The following UTP4 variants were observed in gnomAD, a reference collection of about 807,000 sequenced individuals.
The protein encoded by UTP4 is UTP4 small subunit processome component, also known as U3 small nucleolar RNA-associated protein 4 homolog.
UTP4 carries 45 observed loss-of-function variants against 82.4 expected under a neutral mutation model. The ratio of observed to expected loss-of-function variants is 0.55; its 90% CI spans 0.43 to 0.70. The LOEUF is 0.70. Ranked by LOEUF, UTP4 falls within the 30% of genes least tolerant of loss-of-function variation. The pLI is 0.00. For synonymous variants in UTP4, 348 were observed against 300.3 expected (o/e 1.16, Z -1.64); for missense variants, 819 against 858.3 (o/e 0.95, Z 0.57).
In UTP4 at chr16:69,136,723, A is replaced by G. The variant is rs1962823319; in HGVS notation, c.187A>G (p.Thr63Ala). 6.2e-7 allele frequency: 1 copy of G among 1,613,902 alleles called. No individual in the cohort carries two copies. The change falls in exon 3 of 17, where the codon ACA becomes GCA. Residue 63 changes from threonine (T) to alanine (A), a missense_variant. Transcript: ENST00000314423. ...TTTCCCAGGTCATGAGTCTCGGGCT[A>G]CAGAAGCTTTGTGCTGGGCAGAAGG... Reference protein sequence around the residue: ...KFFPGHESRATEALCWAEGQR... With the variant: ...KFFPGHESRAAEALCWAEGQR...
At position 69,151,411 on chromosome 16, in the gene UTP4, TC is replaced by T. The variant is rs201619754; in HGVS notation, c.1002+510del. Among the ~76,000 whole-genome samples, 665 of 149,868 alleles carry T rather than the reference TC, an allele frequency of 4.4e-3. 23 individuals are homozygous for T. In the South Asian group the frequency reaches 0.085, roughly 19 times the overall value. On this transcript the variant is annotated intron_variant, in intron 8 of 16. Transcript: ENST00000314423. The stretch of plus-strand genomic sequence containing the variant: ...GACTCCACTCACTGCAAGCTCCGCC[TC>T]CCAGGTTCATGCCATTCTCCTGCCT...
At chr16:69,149,577 A>C (rs1035089114) in intron 6 of UTP4, among the ~76,000 whole-genome samples, 2 of 151,964 alleles carry the variant, frequency 1.3e-5, no homozygotes, top group Non-Finnish European at 2.9e-5. Context: ...CAAACAAAAA[A>C]AGATGAGGTC....
intron 2 of UTP4, among the ~76,000 whole-genome samples, chr16:69,134,175 G>C (rs1793712906): frequency 6.6e-6 from 1 of 152,088 alleles, no homozygotes; most frequent in Admixed American, 6.5e-5. Context: ...TCCCCTCCAA[G>C]GGCACTGACT....
At chr16:69,139,409 C>G (rs1251334983) in intron 4 of UTP4, among the ~76,000 whole-genome samples, 1 of 151,606 alleles carries the variant, frequency 6.6e-6, no homozygotes, top group East Asian at 2.0e-4. Flanking sequence ...GAGGCTGAGG[C>G]GGGTGGATCA....
At position 69,163,884 on chromosome 16, in the gene UTP4, GTT is replaced by G. The variant is rs1216606701; in HGVS notation, c.1647+724_1647+725del. On this transcript the variant is annotated intron_variant, in intron 14 of 16. Transcript: ENST00000314423. Reference sequence around the variant, plus strand: ...TGCTTACTGCTTTGATGGTCAGTTTGTTTTTTTTTTTTTTTTTTTGAGACAGA... The same window carrying G: ...TGCTTACTGCTTTGATGGTCAGTTTGTTTTTTTTTTTTTTTTTGAGACAGA... Among the ~76,000 whole-genome samples the G allele has an allele frequency of 1.6e-4, 20 of 126,248 alleles. No homozygotes were observed. The East Asian group carries it at 3.1e-3, about 20-fold the overall frequency. The allele number at this position is 126,248 out of a possible 152,430, so 82.8% of individuals were successfully genotyped here.
chr16:69,135,017 C>CTT (rs1027253401), intron 2 of UTP4, among the ~76,000 whole-genome samples: 1 of 133,308 alleles, frequency 7.5e-6, no homozygotes, highest in Non-Finnish European at 1.6e-5. Context: ...TGTTCTTCTT[C>CTT]TTTTTTTTTT....
chr16:69,166,973 A>G (rs1963717419), intron 15 of UTP4, 102 bp from the exon 16 acceptor site: 1 of 799,710 alleles, frequency 1.3e-6, no homozygotes, highest in Non-Finnish European at 2.2e-6. Context: ...AATATATATG[A>G]TGGTTAGAAG....
chr16:69,162,005 T>G (rs985307113), intron 13 of UTP4, among the ~76,000 whole-genome samples: 5 of 150,274 alleles, frequency 3.3e-5, no homozygotes, highest in Non-Finnish European at 5.9e-5. Context: ...TCTTGCACTG[T>G]TGCCCAGGCT....
intron 6 of UTP4, 150 bp from the exon 7 acceptor site, chr16:69,150,386 TA>T (rs1292616636): frequency 2.2e-5 from 20 of 893,130 alleles, no homozygotes; most frequent in Non-Finnish European, 7.4e-6. Flanking sequence ...ATGGAATCCT[TA>T]GCTTCTGGAA....
chr16:69,168,745 G>C, intron 16 of UTP4, 76 bp from the exon 17 acceptor site: 1 of 896,160 alleles, frequency 1.1e-6, no homozygotes, highest in South Asian at 1.3e-5. Context: ...CTTAGATGGT[G>C]TCTACCTACA....
At chr16:69,145,297 G>A (rs1963078395) in intron 6 of UTP4, among the ~76,000 whole-genome samples, 1 of 152,006 alleles carries the variant, frequency 6.6e-6, no homozygotes, top group Non-Finnish European at 1.5e-5. Context: ...CTCTCACTCT[G>A]TCTCCCAGGC....
intron 14 of UTP4, among the ~76,000 whole-genome samples, chr16:69,164,605 T>C (rs907146115): frequency 4.7e-4 from 66 of 139,362 alleles, no homozygotes; most frequent in African/African-American, 1.5e-3. Flanking sequence ...TATATATATA[T>C]ATATATATAT....
At chr16:69,158,857 C>T (rs1963491888) in intron 12 of UTP4, among the ~76,000 whole-genome samples, 1 of 152,128 alleles carries the variant, frequency 6.6e-6, no homozygotes, top group Non-Finnish European at 1.5e-5. Flanking sequence ...TTACATGCAG[C>T]ACGCATTTTG....
chr16:69,151,673 T>C (rs1427906057), intron 8 of UTP4, among the ~76,000 whole-genome samples: 1 of 151,908 alleles, frequency 6.6e-6, no homozygotes, highest in African/African-American at 2.4e-5. Flanking sequence ...TGTAGGACTT[T>C]CTGTAGCTAC....
At chr16:69,146,520 C>G (rs1163071450) in intron 6 of UTP4, among the ~76,000 whole-genome samples, 1 of 151,818 alleles carries the variant, frequency 6.6e-6, no homozygotes, top group African/African-American at 2.4e-5. Flanking sequence ...ATCCATTCAT[C>G]TATTAGTGGA....
rs371000792 is a variant in UTP4, at chr16:69,154,468, T to C, written c.1164+11T>C. 1.5e-5 allele frequency: 24 copies of C among 1,598,000 alleles called. No homozygotes were observed. Among genetic ancestry groups the C allele is most frequent in the Non-Finnish European group, 2.1e-5 (24 of 1,165,624 alleles). ...CACCTAAAGACAAAGGTAAGGAAGT[T>C]TGTTTAGGCTCTGAATTCTAGAGCC... is the stretch of plus-strand genomic sequence containing the variant. On this transcript the variant is annotated intron_variant, in intron 10 of 16. Coordinates refer to ENST00000314423, the MANE Select transcript of UTP4 (RefSeq NM_032830.3).
intron 16 of UTP4, chr16:69,167,607 G>A: frequency 5.7e-6 from 1 of 176,546 alleles, no homozygotes; most frequent in Admixed American, 5.8e-5. Context: ...AAACCAGCCT[G>A]GGCACCATGG....
chr16:69,156,038 A>G (rs777877090), intron 11 of UTP4, 45 bp downstream of exon 11: 19 of 1,598,638 alleles, frequency 1.2e-5, no homozygotes, highest in Admixed American at 1.7e-5. Flanking sequence ...GAAACTTCCT[A>G]AATATGTCAT....
intron 2 of UTP4, 144 bp downstream of exon 2, chr16:69,133,762 C>T: frequency 1.3e-6 from 1 of 781,946 alleles, no homozygotes; most frequent in Non-Finnish European, 2.2e-6. Context: ...CTTCTGAGAT[C>T]TCCTAACTGA....
Sources: allele counts gnomAD v4.1 joint callset (sites outside exome capture counted in the v4.1 genomes callset), GRCh38; gene constraint gnomAD v4.1.1; transcripts MANE v1.5; gene names NCBI Gene and HGNC (gene_info 2026-07-23, HGNC 2026-07-21).